Variants in ROBO1 observed in about 807,000 individuals in gnomAD.
ROBO1 encodes roundabout homolog 1.
Under a neutral mutation model 195.9 loss-of-function variants are expected in ROBO1, and 149 were observed. That is an observed-to-expected ratio of 0.76 (90% CI 0.67 to 0.87). The LOEUF is 0.87. Among genes scored for constraint, ROBO1 ranks in the 40% least tolerant of loss-of-function variants. The probability of loss-of-function intolerance (pLI) is 0.00; values close to 1 mark genes in which losing one functional copy is unlikely to be tolerated. For synonymous variants in ROBO1, 816 were observed against 733.2 expected, an observed-to-expected ratio of 1.11 and a Z score of -1.82; for missense variants, 1,933 against 2,068.3, an observed-to-expected ratio of 0.93 and a Z score of 1.27.
chr3:78,673,383 G>A (rs1488455670), intron 10 of ROBO1, among the ~76,000 whole-genome samples: 1 of 147,564 alleles, frequency 6.8e-6, no homozygotes, highest in African/African-American at 2.5e-5. Flanking sequence ...AGGTATAACA[G>A]GTGCTGTAAT....
chr3:79,460,095 A>G (rs779986135), intron 2 of ROBO1, among the ~76,000 whole-genome samples: 2 of 152,170 alleles, frequency 1.3e-5, no homozygotes, highest in Non-Finnish European at 2.9e-5. Context: ...TCCTTTTATA[A>G]ATTCTAATTC....
intron 2 of ROBO1, among the ~76,000 whole-genome samples, chr3:79,372,929 C>T (rs563439656): frequency 1.2e-3 from 176 of 149,904 alleles, no homozygotes; most frequent in African/African-American, 4.0e-3. Context: ...ATTTTAGTTT[C>T]GGGGGTACAT....
chr3:79,536,756 T>A (rs1941881396), intron 2 of ROBO1, among the ~76,000 whole-genome samples: 1 of 152,206 alleles, frequency 6.6e-6, no homozygotes, highest in Admixed American at 6.6e-5. Context: ...TAAAATTCTA[T>A]GATAAAACTG....
At chr3:79,273,499 A>G (rs921175445) in intron 2 of ROBO1, among the ~76,000 whole-genome samples, 1 of 152,078 alleles carries the variant, frequency 6.6e-6, no homozygotes, top group Non-Finnish European at 1.5e-5. Context: ...CCTCAAATCA[A>G]AAATCCTATG....
chr3:79,687,211 T>C (rs981802420), intron 1 of ROBO1, among the ~76,000 whole-genome samples: 2 of 152,120 alleles, frequency 1.3e-5, no homozygotes, highest in Admixed American at 1.3e-4. Flanking sequence ...TATACAAAAA[T>C]AAATTCAAGA....
intron 2 of ROBO1, among the ~76,000 whole-genome samples, chr3:79,193,581 CTTT>C (rs869203963): frequency 2.3e-5 from 2 of 85,624 alleles, no homozygotes; most frequent in Admixed American, 1.3e-4. Flanking sequence ...TGTGGTTTTG[CTTT>C]TTTTTTTTTT....
At chr3:79,389,864 G>C (rs2036883096) in intron 2 of ROBO1, among the ~76,000 whole-genome samples, 1 of 152,134 alleles carries the variant, frequency 6.6e-6, no homozygotes. Flanking sequence ...TTTCATCTGA[G>C]TGAAACAAGA....
intron 1 of ROBO1, among the ~76,000 whole-genome samples, chr3:79,671,553 T>C (rs1429046673): frequency 2.0e-5 from 3 of 151,874 alleles, no homozygotes; most frequent in Non-Finnish European, 2.9e-5. Context: ...CATAAAACAA[T>C]GGCATTTGTT....
intron 1 of ROBO1, among the ~76,000 whole-genome samples, chr3:79,749,408 G>C (rs928001751): frequency 1.4e-4 from 21 of 152,286 alleles, no homozygotes; most frequent in African/African-American, 5.1e-4. Context: ...CCCAATTTTT[G>C]AGGAGAAATT....
At chr3:79,477,461 A>T (rs6772464) in intron 2 of ROBO1, among the ~76,000 whole-genome samples, 101,540 of 152,044 alleles carry the variant, frequency 0.67, 35,397 homozygotes, top group African/African-American at 0.89. Context: ...TTGAACATTA[A>T]GTTTTCTTTT....
intron 2 of ROBO1, among the ~76,000 whole-genome samples, chr3:79,250,047 G>A (rs986364271): frequency 1.3e-5 from 2 of 152,274 alleles, no homozygotes; most frequent in Admixed American, 6.5e-5. Context: ...TGGGAGAGTC[G>A]TTGGAGTCTT....
At chr3:78,830,264 A>G (rs2032034325) in intron 4 of ROBO1, among the ~76,000 whole-genome samples, 1 of 152,152 alleles carries the variant, frequency 6.6e-6, no homozygotes. Flanking sequence ...CCACTACCAT[A>G]AACAGAATAT....
intron 4 of ROBO1, among the ~76,000 whole-genome samples, chr3:78,793,874 T>C (rs2084103258): frequency 6.6e-6 from 1 of 152,102 alleles, no homozygotes; most frequent in Non-Finnish European, 1.5e-5. Flanking sequence ...GACTAAATCA[T>C]TGAAATGTAT....
At chr3:79,691,444 G>GTTATC (rs1413921891) in intron 1 of ROBO1, among the ~76,000 whole-genome samples, 1 of 151,224 alleles carries the variant, frequency 6.6e-6, no homozygotes, top group Non-Finnish European at 1.5e-5. Context: ...AGAATATGTA[G>GTTATC]TTATCTGTAT....
At chr3:79,191,203 T>A (rs1459646044) in intron 2 of ROBO1, among the ~76,000 whole-genome samples, 1 of 151,642 alleles carries the variant, frequency 6.6e-6, no homozygotes, top group Non-Finnish European at 1.5e-5. Flanking sequence ...TGCCTTGTGA[T>A]AACTCATTTT....
At chr3:78,797,915 A>G (rs1343689327) in intron 4 of ROBO1, among the ~76,000 whole-genome samples, 1 of 152,216 alleles carries the variant, frequency 6.6e-6, no homozygotes, top group East Asian at 1.9e-4. Flanking sequence ...GTTCTTTATG[A>G]TATGAGGAAA....
chr3:79,045,685 G>A (rs183920051), intron 3 of ROBO1, among the ~76,000 whole-genome samples: 20 of 151,858 alleles, frequency 1.3e-4, no homozygotes, highest in Admixed American at 1.1e-3. Context: ...GGAACTAGAC[G>A]GTGCCCTACA....
At chr3:78,928,637 ACT>A (rs2039342206) in intron 4 of ROBO1, among the ~76,000 whole-genome samples, 1 of 151,916 alleles carries the variant, frequency 6.6e-6, no homozygotes, top group Non-Finnish European at 1.5e-5. Context: ...TCAGTTATTG[ACT>A]CTTTACTGGT....
At chr3:79,014,224 C>G (rs2077863536) in intron 3 of ROBO1, among the ~76,000 whole-genome samples, 1 of 152,254 alleles carries the variant, frequency 6.6e-6, no homozygotes. Flanking sequence ...AATCCCAGCA[C>G]TTTGGGAGGC....
Sources: gnomAD v4.1 joint callset for allele counts (sites outside exome capture counted in the v4.1 genomes callset) on GRCh38, gnomAD v4.1.1 for gene constraint, MANE v1.5 for transcripts, NCBI Gene and HGNC (gene_info 2026-07-23, HGNC 2026-07-21) for gene names.